The following ADGRG4 variants were observed in gnomAD, a reference collection of about 807,000 sequenced individuals.
The protein encoded by ADGRG4 is adhesion G protein-coupled receptor G4, also known as G protein-coupled receptor 112.
ADGRG4 carries 122 observed loss-of-function variants against 126.2 expected under a neutral mutation model. That is an observed-to-expected ratio of 0.97 (90% CI 0.83 to 1.12). ADGRG4 has a LOEUF of 1.12. Ranked by LOEUF, ADGRG4 falls within the 50% of genes most tolerant of loss-of-function variation. The probability of loss-of-function intolerance (pLI) is 0.00; values close to 1 mark genes in which losing one functional copy is unlikely to be tolerated. For synonymous variants in ADGRG4, 943 were observed against 838.7 expected, an observed-to-expected ratio of 1.12 and a Z score of -2.15; for missense variants, 2,481 against 2,251.8, an observed-to-expected ratio of 1.10 and a Z score of -2.06.
In ADGRG4 at chrX:136,382,530, C is replaced by T. The variant is rs113243014; in HGVS notation, c.7777-5210C>T. 7.2e-5 allele frequency among the ~76,000 whole-genome samples: 8 copies of T among 111,770 alleles called. No homozygotes were observed. The East Asian group carries it at 2.0e-3, about 28-fold the overall frequency. On this transcript the variant is annotated intron_variant, in intron 15 of 25. Coordinates refer to ENST00000394143, the MANE Select transcript of ADGRG4 (RefSeq NM_153834.4). ...GCCTTCAGCAAGCACCTCTGCAGGTCGTGGTTTTTTTCCTGGTGGAGTGAC... is the reference window on the plus strand; with the variant it reads ...GCCTTCAGCAAGCACCTCTGCAGGTTGTGGTTTTTTTCCTGGTGGAGTGAC...
chrX:136,375,414 C>A (rs2075219708), intron 15 of ADGRG4, among the ~76,000 whole-genome samples: 1 of 111,956 alleles, frequency 8.9e-6, no homozygotes, highest in Admixed American at 9.5e-5. Context: ...AGTGGGATTG[C>A]TAGATGGAAT....
At chrX:136,325,824 C>T (rs2074869055) in intron 5 of ADGRG4, among the ~76,000 whole-genome samples, 1 of 109,041 alleles carries the variant, frequency 9.2e-6, no homozygotes, top group Non-Finnish European at 1.9e-5. Flanking sequence ...GATTCTCCTA[C>T]CTCAGCCTCC....
chrX:136,322,333 T>C (rs1014787908), intron 4 of ADGRG4, among the ~76,000 whole-genome samples: 1 of 111,822 alleles, frequency 8.9e-6, no homozygotes, highest in African/African-American at 3.3e-5. Context: ...GAGAAACAAA[T>C]TGCTGTTGCA....
intron 15 of ADGRG4, among the ~76,000 whole-genome samples, chrX:136,376,823 G>A (rs74401035): frequency 9.0e-6 from 1 of 111,263 alleles, no homozygotes. Context: ...TACTGAATTC[G>A]TTTATCAGAT....
chrX:136,323,577 A>AAT (rs1556650425), intron 5 of ADGRG4, among the ~76,000 whole-genome samples, 185 bp downstream of exon 5: 1 of 94,013 alleles, frequency 1.1e-5, no homozygotes, highest in Non-Finnish European at 2.1e-5. Context: ...AGGATAGAAG[A>AAT]ACACACACAC....
rs773990612 is a variant in ADGRG4, at chrX:136,346,175, G to T, written c.2469G>T (p.Thr823=). 4 of 1,206,557 alleles carry T rather than the reference G, an allele frequency of 3.3e-6. No individual in the cohort carries two copies. The highest frequency in any genetic ancestry group is 4.5e-6 in the Non-Finnish European group (4 of 893,659). ...INGAIVFGGT[T]TPVPKSATTQ... ...GTGCAATTGTATTTGGAGGTACAAC[G>T]ACCCCTGTACCAAAGTCAGCAACAA... is the stretch of plus-strand genomic sequence containing the variant. Residue 823 remains threonine (T), a synonymous_variant, in exon 6 of 26, where the codon ACG becomes ACT. Coordinates refer to ENST00000394143, the MANE Select transcript of ADGRG4 (RefSeq NM_153834.4).
At chrX:136,335,335 ATTTC>A (rs1470699612) in intron 5 of ADGRG4, among the ~76,000 whole-genome samples, 2 of 107,860 alleles carry the variant, frequency 1.9e-5, no homozygotes, top group Admixed American at 9.8e-5. Context: ...TTGGTCTGTA[ATTTC>A]TTTCTTTTTT....
chrX:136,313,904 C>T (rs1391632367), intron 4 of ADGRG4, among the ~76,000 whole-genome samples: 1 of 110,765 alleles, frequency 9.0e-6, no homozygotes, highest in East Asian at 2.8e-4. Context: ...TGTATTTCCA[C>T]TGCCAGGTAA....
chrX:136,352,430 T>C (rs2075068377), intron 7 of ADGRG4, among the ~76,000 whole-genome samples: 1 of 109,928 alleles, frequency 9.1e-6, no homozygotes, highest in Non-Finnish European at 1.9e-5. Flanking sequence ...CTTTGAGAGG[T>C]TGAGGCAAAA....
At chrX:136,395,853 C>T (rs2075344228) in intron 19 of ADGRG4, among the ~76,000 whole-genome samples, 2 of 111,151 alleles carry the variant, frequency 1.8e-5, no homozygotes, top group Non-Finnish European at 3.8e-5. Flanking sequence ...CTGTTTTTAC[C>T]GATTGCTTTT....
intron 23 of ADGRG4, among the ~76,000 whole-genome samples, chrX:136,412,013 G>C (rs1331909006): frequency 3.5e-5 from 4 of 112,909 alleles, no homozygotes; most frequent in African/African-American, 1.3e-4. Context: ...CAATCTCAGA[G>C]AGGGGCTACC....
intron 1 of ADGRG4, among the ~76,000 whole-genome samples, chrX:136,301,275 C>G (rs2074697651): frequency 1.8e-5 from 2 of 112,042 alleles, no homozygotes; most frequent in Admixed American, 9.5e-5. Flanking sequence ...TAATGATCGC[C>G]ATTCTAACTG....
At chrX:136,359,023 G>C (rs1299425689) in intron 10 of ADGRG4, among the ~76,000 whole-genome samples, 1 of 112,203 alleles carries the variant, frequency 8.9e-6, no homozygotes, top group Non-Finnish European at 1.9e-5. Context: ...AAATCTCAAG[G>C]CTAGCAATTT....
chrX:136,414,677 T>C (rs1462059042), intron 25 of ADGRG4, among the ~76,000 whole-genome samples: 1 of 112,531 alleles, frequency 8.9e-6, no homozygotes, highest in African/African-American at 3.2e-5. Flanking sequence ...GTCCAATCCG[T>C]TCATTTTACA....
At chrX:136,337,302 ATGT>A (rs1298465702) in intron 5 of ADGRG4, among the ~76,000 whole-genome samples, 1 of 111,692 alleles carries the variant, frequency 9.0e-6, no homozygotes, top group African/African-American at 3.3e-5. Context: ...ATATCAGATG[ATGT>A]TGCAATTTTT....
intron 4 of ADGRG4, among the ~76,000 whole-genome samples, chrX:136,310,976 C>T (rs1200623743): frequency 1.8e-5 from 2 of 111,131 alleles, no homozygotes; most frequent in African/African-American, 6.6e-5. Flanking sequence ...ATTTATTTCT[C>T]ATGTTTCTGG....
At chrX:136,311,382 G>A (rs2074769757) in intron 4 of ADGRG4, among the ~76,000 whole-genome samples, 1 of 96,864 alleles carries the variant, frequency 1.0e-5, no homozygotes, top group Admixed American at 1.2e-4. Context: ...CTAAGGTCTT[G>A]CTCATACCAT....
chrX:136,388,454 G>A, intron 16 of ADGRG4, among the ~76,000 whole-genome samples: 1 of 112,405 alleles, frequency 8.9e-6, no homozygotes, highest in East Asian at 2.8e-4. Context: ...TATTCTGCCT[G>A]TGTGTCCTCA....
chrX:136,385,917 G>A (rs915814476), intron 15 of ADGRG4, among the ~76,000 whole-genome samples: 1 of 111,401 alleles, frequency 9.0e-6, no homozygotes, highest in Non-Finnish European at 1.9e-5. Flanking sequence ...TTTGGATCCC[G>A]CTTTCCATTC....
Sources: allele counts gnomAD v4.1 joint callset (sites outside exome capture counted in the v4.1 genomes callset), GRCh38; gene constraint gnomAD v4.1.1; transcripts MANE v1.5; gene names NCBI Gene and HGNC (gene_info 2026-07-23, HGNC 2026-07-21).